Variants in ACER3 observed in about 807,000 individuals in gnomAD.
ACER3 encodes the protein alkaline ceramidase 3.
Under a neutral mutation model 48.9 loss-of-function variants are expected in ACER3, and 16 were observed. The observed-to-expected ratio is 0.33, with a 90% CI of 0.22 to 0.50. The LOEUF (loss-of-function observed/expected upper bound fraction) is 0.50. ACER3 is among the 20% of genes least tolerant of loss of function. The pLI is 0.98. For synonymous variants in ACER3, 109 were observed against 107.8 expected (o/e 1.01, Z -0.07); for missense variants, 227 against 326.0 (o/e 0.70, Z 2.34).
At chr11:76,935,483 C>CTCT (rs1175801962) in intron 2 of ACER3, among the ~76,000 whole-genome samples, 7 of 152,100 alleles carry the variant, frequency 4.6e-5, no homozygotes, top group Admixed American at 6.5e-5. Context: ...ATTGTCAAAG[C>CTCT]TCTTGGAAAT....
intron 1 of ACER3, among the ~76,000 whole-genome samples, chr11:76,894,479 G>T (rs1256197957): frequency 6.6e-6 from 1 of 152,102 alleles, no homozygotes. Flanking sequence ...TTAGACTTAG[G>T]TTTTAATCCA....
At chr11:76,986,791 G>A (rs563988663) in intron 5 of ACER3, among the ~76,000 whole-genome samples, 27 of 152,262 alleles carry the variant, frequency 1.8e-4, no homozygotes, top group Admixed American at 6.5e-4. Flanking sequence ...GCAGTTAGGC[G>A]CAGTGGCCCA....
At chr11:76,907,003 T>C (rs1399433602) in intron 1 of ACER3, among the ~76,000 whole-genome samples, 2 of 152,224 alleles carry the variant, frequency 1.3e-5, no homozygotes, top group Admixed American at 6.5e-5. Flanking sequence ...GTTTCTTCAA[T>C]TGAAAAAAAA....
intron 7 of ACER3, among the ~76,000 whole-genome samples, chr11:77,013,386 A>G (rs1555022628): frequency 2.0e-5 from 3 of 152,218 alleles, no homozygotes; most frequent in Non-Finnish European, 2.9e-5. Context: ...CATGTAAAAT[A>G]TAGAAAGAAT....
chr11:76,929,881 T>C (rs1946945917), intron 2 of ACER3, among the ~76,000 whole-genome samples: 2 of 152,368 alleles, frequency 1.3e-5, no homozygotes, highest in South Asian at 2.1e-4. Context: ...CAGTATTTTA[T>C]TGAGGATTTT....
chr11:76,993,598 G>A (rs1254379694), intron 6 of ACER3, among the ~76,000 whole-genome samples: 1 of 152,220 alleles, frequency 6.6e-6, no homozygotes, highest in Non-Finnish European at 1.5e-5. Context: ...GTCACAGGTA[G>A]AGAAGTAAAG....
chr11:76,942,447 T>C (rs1484855113), intron 2 of ACER3, among the ~76,000 whole-genome samples: 2 of 152,098 alleles, frequency 1.3e-5, no homozygotes, highest in African/African-American at 4.8e-5. Flanking sequence ...TCATTCTTTT[T>C]ATGTGATGAT....
At chr11:76,904,468 A>G (rs1175757825) in intron 1 of ACER3, among the ~76,000 whole-genome samples, 4 of 151,994 alleles carry the variant, frequency 2.6e-5, no homozygotes, top group African/African-American at 7.2e-5. Flanking sequence ...ACCAATGTGT[A>G]CCTTACATGC....
chr11:76,933,176 A>ATATATG (rs1055372306), intron 2 of ACER3, among the ~76,000 whole-genome samples: 4 of 120,108 alleles, frequency 3.3e-5, no homozygotes, highest in African/African-American at 2.5e-4. Flanking sequence ...CGTATTTCAT[A>ATATATG]TATATATATA....
chr11:76,867,468 C>CAAAAA (rs1156610809), intron 1 of ACER3, among the ~76,000 whole-genome samples: 679 of 19,088 alleles, frequency 0.036, 86 homozygotes, highest in African/African-American at 0.084. Flanking sequence ...GACTCTGTCT[C>CAAAAA]AAAAAAAAAA....
intron 3 of ACER3, among the ~76,000 whole-genome samples, chr11:76,974,082 T>G (rs1476840784): frequency 1.3e-5 from 2 of 152,230 alleles, no homozygotes; most frequent in African/African-American, 4.8e-5. Context: ...GACTTATATA[T>G]CTATTCTTAT....
At chr11:76,965,600 A>G (rs1477528739) in intron 3 of ACER3, among the ~76,000 whole-genome samples, 3 of 151,422 alleles carry the variant, frequency 2.0e-5, no homozygotes, top group Non-Finnish European at 4.4e-5. Context: ...TCAGACTAAC[A>G]GCTGATCTCT....
intron 5 of ACER3, among the ~76,000 whole-genome samples, chr11:76,986,499 A>T (rs929484709): frequency 2.0e-5 from 3 of 152,236 alleles, no homozygotes; most frequent in Non-Finnish European, 4.4e-5. Flanking sequence ...GAATTTGTAG[A>T]TAGCACTATT....
At chr11:77,007,975 G>C (rs1949188002) in intron 7 of ACER3, among the ~76,000 whole-genome samples, 1 of 152,144 alleles carries the variant, frequency 6.6e-6, no homozygotes, top group Non-Finnish European at 1.5e-5. Flanking sequence ...ATGTTAATTA[G>C]CTTGATTTAA....
intron 1 of ACER3, among the ~76,000 whole-genome samples, chr11:76,880,872 G>C (rs1383629715): frequency 1.3e-5 from 2 of 152,112 alleles, no homozygotes; most frequent in Non-Finnish European, 2.9e-5. Context: ...CACTCCCTAA[G>C]CTTATTGTGC....
chr11:76,861,856 G>A (rs1944948725), intron 1 of ACER3, among the ~76,000 whole-genome samples: 1 of 152,122 alleles, frequency 6.6e-6, no homozygotes, highest in African/African-American at 2.4e-5. Context: ...TACTTCCACC[G>A]ACTGCACCTT....
chr11:76,946,879 C>T (rs1947487588), intron 2 of ACER3, among the ~76,000 whole-genome samples: 1 of 152,178 alleles, frequency 6.6e-6, no homozygotes, highest in African/African-American at 2.4e-5. Context: ...AGGCCTGAGG[C>T]CCGCAAGGGT....
chr11:76,888,711 C>T (rs1945736061), intron 1 of ACER3, among the ~76,000 whole-genome samples: 2 of 152,134 alleles, frequency 1.3e-5, no homozygotes, highest in African/African-American at 2.4e-5. Context: ...TTCTTCAAAG[C>T]CAGCAAGGGA....
chr11:77,005,989 A>ATTTT (rs1353902634), intron 7 of ACER3, among the ~76,000 whole-genome samples: 1 of 93,900 alleles, frequency 1.1e-5, no homozygotes, highest in African/African-American at 4.3e-5. Flanking sequence ...ATATATATAT[A>ATTTT]TATTTTTTTT....
Sources: gnomAD v4.1 joint callset for allele counts (sites outside exome capture counted in the v4.1 genomes callset) on GRCh38, gnomAD v4.1.1 for gene constraint, MANE v1.5 for transcripts, NCBI Gene and HGNC (gene_info 2026-07-23, HGNC 2026-07-21) for gene names.